NEK1: variants seen among roughly 807,000 people sequenced by gnomAD.
The protein encoded by NEK1 is NIMA related kinase 1.
NEK1 carries 137 observed loss-of-function variants against 182.1 expected under a neutral mutation model. The observed-to-expected ratio is 0.75, with a 90% CI of 0.65 to 0.87. NEK1 has a LOEUF of 0.87. NEK1 is among the 40% of genes least tolerant of loss of function. The probability of loss-of-function intolerance (pLI) is 0.00; values close to 1 mark genes in which losing one functional copy is unlikely to be tolerated. For missense variants in NEK1, 1,391 were observed against 1,494.4 expected, an observed-to-expected ratio of 0.93 and a Z score of 1.14; for synonymous variants, 513 against 492.2, an observed-to-expected ratio of 1.04 and a Z score of -0.56.
intron 2 of NEK1, among the ~76,000 whole-genome samples, chr4:169,607,024 G>A (rs1055352201): frequency 6.6e-6 from 1 of 152,320 alleles, no homozygotes; most frequent in South Asian, 2.1e-4. Flanking sequence ...AAATCCTGAA[G>A]AGGAAAAATA....
At chr4:169,610,272 G>A (rs1031173946) in intron 2 of NEK1, among the ~76,000 whole-genome samples, 1 of 152,014 alleles carries the variant, frequency 6.6e-6, no homozygotes, top group African/African-American at 2.4e-5. Context: ...AAAATGCTGG[G>A]AATACAGGTG....
chr4:169,512,963 A>T (rs1371123620), intron 19 of NEK1, among the ~76,000 whole-genome samples: 1 of 152,084 alleles, frequency 6.6e-6, no homozygotes, highest in Middle Eastern at 3.2e-3. Context: ...CTATGTGTCT[A>T]TCCCTTTGCC....
intron 12 of NEK1, among the ~76,000 whole-genome samples, chr4:169,574,234 A>G (rs1312337201): frequency 6.6e-6 from 1 of 152,194 alleles, no homozygotes. Flanking sequence ...CTTTTTTTAT[A>G]CTAAAACTGT....
chr4:169,528,728 T>A (rs10012920), intron 19 of NEK1, among the ~76,000 whole-genome samples: 14 of 152,138 alleles, frequency 9.2e-5, no homozygotes, highest in African/African-American at 2.9e-4. Flanking sequence ...AGAATGTAGA[T>A]AGGCTATCAG....
chr4:169,525,419 T>C (rs1756748448), intron 19 of NEK1, among the ~76,000 whole-genome samples: 1 of 152,154 alleles, frequency 6.6e-6, no homozygotes, highest in African/African-American at 2.4e-5. Flanking sequence ...CATGAGCCAC[T>C]GCACCCAGCC....
At chr4:169,501,721 C>T (rs1752452517) in intron 23 of NEK1, among the ~76,000 whole-genome samples, 1 of 152,100 alleles carries the variant, frequency 6.6e-6, no homozygotes, top group South Asian at 2.1e-4. Flanking sequence ...AGAAACACTA[C>T]ATACCAAAAC....
At chr4:169,588,279 A>G (rs1409033375) in intron 8 of NEK1, among the ~76,000 whole-genome samples, 1 of 152,122 alleles carries the variant, frequency 6.6e-6, no homozygotes, top group Non-Finnish European at 1.5e-5. Context: ...TAATACCTAC[A>G]TCTCCCAAAA....
intron 26 of NEK1, among the ~76,000 whole-genome samples, chr4:169,469,230 T>C (rs1053711219): frequency 6.6e-6 from 1 of 152,206 alleles, no homozygotes; most frequent in South Asian, 2.1e-4. Flanking sequence ...ATTTTAGGTC[T>C]TTCCCATTTT....
intron 12 of NEK1, among the ~76,000 whole-genome samples, chr4:169,563,236 C>G (rs1763196902): frequency 6.6e-6 from 1 of 151,894 alleles, no homozygotes; most frequent in Non-Finnish European, 1.5e-5. Context: ...TGGCCCACAC[C>G]TGTTGTCCCA....
At chr4:169,524,444 A>G (rs1185804000) in intron 19 of NEK1, among the ~76,000 whole-genome samples, 1 of 147,764 alleles carries the variant, frequency 6.8e-6, no homozygotes, top group African/African-American at 2.6e-5. Context: ...ATGGGCAATG[A>G]GAGCGAAATT....
intron 2 of NEK1, among the ~76,000 whole-genome samples, chr4:169,608,140 A>C (rs1277713959): frequency 2.3e-5 from 3 of 132,888 alleles, no homozygotes; most frequent in South Asian, 2.4e-4. Context: ...CACACACACA[A>C]AGAAGAAGAA....
At chr4:169,555,669 A>G (rs766590464) in intron 18 of NEK1, 51 bp downstream of exon 18, 1 of 1,611,996 alleles carries the variant, frequency 6.2e-7, no homozygotes, top group African/African-American at 1.3e-5. Context: ...TATGTATGAC[A>G]AACGACAAAA....
At chr4:169,557,580 G>C (rs1762333449) in intron 16 of NEK1, among the ~76,000 whole-genome samples, 3 of 152,056 alleles carry the variant, frequency 2.0e-5, no homozygotes, top group African/African-American at 7.2e-5. Flanking sequence ...CCACAATAAT[G>C]AGAGTAAAAA....
chr4:169,606,536 T>C (rs183280781), intron 2 of NEK1, among the ~76,000 whole-genome samples: 117 of 152,148 alleles, frequency 7.7e-4, no homozygotes, highest in African/African-American at 2.8e-3. Context: ...AGGATAATAT[T>C]AGGACTCAAA....
chr4:169,409,320 A>G (rs1335459135), intron 31 of NEK1, among the ~76,000 whole-genome samples: 1 of 151,730 alleles, frequency 6.6e-6, no homozygotes, highest in Non-Finnish European at 1.5e-5. Context: ...AATTTTTTGT[A>G]TTTTTAGTAG....
chr4:169,468,942 T>C (rs965092119), intron 26 of NEK1, among the ~76,000 whole-genome samples: 8 of 152,236 alleles, frequency 5.3e-5, no homozygotes, highest in African/African-American at 1.9e-4. Flanking sequence ...GTAGTCTGTA[T>C]TTCTGTGGGA....
intron 23 of NEK1, among the ~76,000 whole-genome samples, chr4:169,490,211 A>C (rs1444006579): frequency 6.6e-6 from 1 of 152,146 alleles, no homozygotes; most frequent in Non-Finnish European, 1.5e-5. Flanking sequence ...CTGCATGGAC[A>C]CTACACTACC....
intron 19 of NEK1, among the ~76,000 whole-genome samples, chr4:169,514,374 A>C (rs1473970339): frequency 6.6e-6 from 1 of 152,188 alleles, no homozygotes; most frequent in Non-Finnish European, 1.5e-5. Context: ...AGGGTAATAC[A>C]GTCTCAAAAT....
At chr4:169,456,222 A>T (rs1742852712) in intron 27 of NEK1, among the ~76,000 whole-genome samples, 1 of 152,186 alleles carries the variant, frequency 6.6e-6, no homozygotes, top group Non-Finnish European at 1.5e-5. Flanking sequence ...AAGCAGTACT[A>T]AGACGGAAGT....
Sources: gnomAD v4.1 joint callset for allele counts (sites outside exome capture counted in the v4.1 genomes callset) on GRCh38, gnomAD v4.1.1 for gene constraint, MANE v1.5 for transcripts, NCBI Gene and HGNC (gene_info 2026-07-23, HGNC 2026-07-21) for gene names.